The following PRKCH variants were observed in gnomAD, a reference collection of about 807,000 sequenced individuals.
PRKCH encodes the protein protein kinase C eta, also known as protein kinase C eta type.
A neutral mutation model predicts 82.5 loss-of-function variants in PRKCH; 28 were observed. The observed-to-expected ratio is 0.34, with a 90% CI of 0.25 to 0.47. PRKCH has a LOEUF of 0.47. Ranked by LOEUF, PRKCH falls within the 20% of genes least tolerant of loss-of-function variation. The pLI is 1.00. For missense variants in PRKCH, 705 were observed against 881.8 expected (o/e 0.80, Z 2.54); for synonymous variants, 322 against 327.4 (o/e 0.98, Z 0.18).
chr14:61,416,023 C>G (rs1011575211), intron 2 of PRKCH, among the ~76,000 whole-genome samples: 6 of 150,812 alleles, frequency 4.0e-5, no homozygotes, highest in African/African-American at 1.5e-4. Context: ...GATTCCCCTC[C>G]CTTGCCTCTT....
At chr14:61,457,089 T>A (rs1286130534) in intron 7 of PRKCH, 87 bp from the exon 8 acceptor site, 1 of 1,464,874 alleles carries the variant, frequency 6.8e-7, no homozygotes, top group African/African-American at 1.4e-5. Context: ...GGGGTGAGAC[T>A]GCTCCCAGCC....
intron 1 of PRKCH, among the ~76,000 whole-genome samples, chr14:61,274,320 G>A (rs80101878): frequency 0.044 from 6,674 of 152,302 alleles, 195 homozygotes; most frequent in Non-Finnish European, 0.064. Flanking sequence ...GATTTAGAAC[G>A]AGGCCAACCA....
intron 12 of PRKCH, among the ~76,000 whole-genome samples, chr14:61,535,539 G>A (rs1458869591): frequency 6.6e-6 from 1 of 152,168 alleles, no homozygotes; most frequent in Non-Finnish European, 1.5e-5. Context: ...AATGGCAGGC[G>A]GGTTGGAGTG....
chr14:61,473,674 C>T (rs1885603766), intron 9 of PRKCH, among the ~76,000 whole-genome samples: 1 of 152,114 alleles, frequency 6.6e-6, no homozygotes, highest in South Asian at 2.1e-4. Flanking sequence ...CATCCATGTC[C>T]TCTTGGTAAG....
Position 61,424,526 on chromosome 14 carries a change from C to T in PRKCH, c.428-18585C>T, listed in dbSNP as rs910190207. On this transcript the variant is annotated intron_variant, in intron 2 of 13. Transcript: ENST00000332981. ...TAGCAAAGAGACTGACAGCATTTTG[C>T]CCACACCCTAGAGATCTGTGGAACT... is the stretch of plus-strand genomic sequence containing the variant. Among the ~76,000 whole-genome samples the T allele has an allele frequency of 2.6e-5, 4 of 152,152 alleles. No individual in the cohort carries two copies. The East Asian group carries it at 5.8e-4, about 22-fold the overall frequency.
chr14:61,540,860 G>A (rs1001870827), intron 12 of PRKCH, among the ~76,000 whole-genome samples: 16 of 152,114 alleles, frequency 1.1e-4, no homozygotes, highest in East Asian at 1.9e-4. Context: ...CTCTTGGCTC[G>A]TCCAGTATTC....
At position 61,530,466 on chromosome 14, in the gene PRKCH, C is replaced by T. The variant is rs766607652; in HGVS notation, c.1632C>T (p.Leu544=). The change falls in exon 12 of 14, where the codon CTC becomes CTT. Residue 544 remains leucine (L), a synonymous_variant. Coordinates refer to ENST00000332981, the MANE Select transcript of PRKCH (RefSeq NM_006255.5). Reference sequence around the variant, plus strand: ...ACTGGTGGGCAATGGGCGTGTTGCTCTATGAGATGCTCTGTGGTCACGCGC... The same window carrying T: ...ACTGGTGGGCAATGGGCGTGTTGCTTTATGAGATGCTCTGTGGTCACGCGC... ...AVDWWAMGVL[L]YEMLCGHAPF... is the part of the protein sequence containing the mutation. The T allele has an allele frequency of 1.9e-6, 3 of 1,611,554 alleles. No homozygotes were observed. The highest frequency in any genetic ancestry group is 2.5e-6 in the Non-Finnish European group (3 of 1,178,842).
At position 61,395,296 on chromosome 14, in the gene PRKCH, C is replaced by CCG. The variant is rs554879597; in HGVS notation, c.427+4009_427+4010insGC. ...TAAGTAAGAAGGAAATGGAGCCCCC[C>CCG]CCCGCATTTGCCTGCCACAGCTGTG... On this transcript the variant is annotated intron_variant, in intron 2 of 13. Coordinates refer to ENST00000332981, the MANE Select transcript of PRKCH (RefSeq NM_006255.5). 6.1e-5 allele frequency among the ~76,000 whole-genome samples: 9 copies of CCG among 146,868 alleles called. 1 individual carries two copies. The highest frequency in any genetic ancestry group is 4.6e-4 in the South Asian group (2 of 4,352).
At chr14:61,193,136 G>T (rs1366946152) in intron 1 of PRKCH, among the ~76,000 whole-genome samples, 1 of 152,222 alleles carries the variant, frequency 6.6e-6, no homozygotes, top group Non-Finnish European at 1.5e-5. Flanking sequence ...ACCTCTAGAA[G>T]TAATTATGGA....
At chr14:61,314,975 A>C (rs778815197) in intron 1 of PRKCH, among the ~76,000 whole-genome samples, 3 of 152,030 alleles carry the variant, frequency 2.0e-5, no homozygotes, top group Non-Finnish European at 4.4e-5. Context: ...TGATATTTCT[A>C]GTTGTGGGTC....
intron 10 of PRKCH, among the ~76,000 whole-genome samples, chr14:61,506,287 C>T (rs886556094): frequency 7.2e-5 from 11 of 152,144 alleles, no homozygotes; most frequent in African/African-American, 2.7e-4. Flanking sequence ...TCTCTTTTGT[C>T]ATGGAATTTC....
intron 9 of PRKCH, among the ~76,000 whole-genome samples, chr14:61,478,091 C>G (rs1045567072): frequency 6.6e-6 from 1 of 152,266 alleles, no homozygotes; most frequent in Non-Finnish European, 1.5e-5. Context: ...GCCATGGCGG[C>G]TGAAGCTGCA....
rs74608561 is a variant in PRKCH at position 61,429,610 on chromosome 14, G to T, written c.428-13501G>T. 5.1e-3 allele frequency among the ~76,000 whole-genome samples: 781 copies of T among 152,140 alleles called. 7 individuals carry two copies. The highest frequency in any genetic ancestry group is 7.8e-3 in the Non-Finnish European group (528 of 68,002). On this transcript the variant is annotated intron_variant, in intron 2 of 13. Transcript: ENST00000332981. ...TGTGTCATAGTTGGCTAGTTACAGT[G>T]GCAGTTACTAAAATCAAATCTGTTT...
chr14:61,371,374 C>G (rs774520481), intron 1 of PRKCH, among the ~76,000 whole-genome samples: 6 of 151,996 alleles, frequency 3.9e-5, no homozygotes, highest in African/African-American at 4.8e-5. Flanking sequence ...TGTTCCATTT[C>G]TGTGTTAGGA....
At chr14:61,358,150 C>G (rs966058265) in intron 1 of PRKCH, among the ~76,000 whole-genome samples, 1 of 152,168 alleles carries the variant, frequency 6.6e-6, no homozygotes, top group South Asian at 2.1e-4. Flanking sequence ...TGAGCTTGAA[C>G]AAGTCACTTA....
At chr14:61,511,645 G>A (rs992056224) in intron 10 of PRKCH, among the ~76,000 whole-genome samples, 1 of 152,240 alleles carries the variant, frequency 6.6e-6, no homozygotes, top group East Asian at 1.9e-4. Context: ...CAATAAGATG[G>A]CATAAATGCT....
intron 1 of PRKCH, among the ~76,000 whole-genome samples, chr14:61,260,277 C>T (rs960355174): frequency 6.6e-6 from 1 of 152,124 alleles, no homozygotes; most frequent in South Asian, 2.1e-4. Flanking sequence ...CCTGGAAGCA[C>T]TGAAACTACT....
chr14:61,257,069 C>G (rs760375247), intron 1 of PRKCH, among the ~76,000 whole-genome samples: 6 of 152,208 alleles, frequency 3.9e-5, no homozygotes, highest in African/African-American at 7.2e-5. Context: ...GTGTGCCTTT[C>G]TCCTTTCTCC....
intron 1 of PRKCH, among the ~76,000 whole-genome samples, chr14:61,384,390 C>T (rs1475883065): frequency 3.3e-5 from 5 of 152,042 alleles, no homozygotes; most frequent in African/African-American, 7.3e-5. Flanking sequence ...GCCTAGACCC[C>T]GTTCCCTTGC....
Sources: gnomAD v4.1 joint callset for allele counts (sites outside exome capture counted in the v4.1 genomes callset) on GRCh38, gnomAD v4.1.1 for gene constraint, MANE v1.5 for transcripts, NCBI Gene and HGNC (gene_info 2026-07-23, HGNC 2026-07-21) for gene names.